Variants in PHC2 observed in about 807,000 individuals in gnomAD.
The protein encoded by PHC2 is polyhomeotic homolog 2.
PHC2 carries 29 observed loss-of-function variants against 87.4 expected under a neutral mutation model. The ratio of observed to expected loss-of-function variants is 0.33; its 90% CI spans 0.25 to 0.45. The LOEUF (loss-of-function observed/expected upper bound fraction) is 0.45. PHC2 is among the 20% of genes least tolerant of loss of function. The pLI, the probability that PHC2 is intolerant of heterozygous loss-of-function variation, is 1.00. For synonymous variants in PHC2, 438 were observed against 461.7 expected (o/e 0.95, Z 0.66); for missense variants, 857 against 1,136.7 (o/e 0.75, Z 3.54).
At chr1:33,385,143 G>A (rs1178700069) in intron 1 of PHC2, among the ~76,000 whole-genome samples, 3 of 152,308 alleles carry the variant, frequency 2.0e-5, no homozygotes, top group South Asian at 4.1e-4. Flanking sequence ...GTGTGGGACT[G>A]TGGTCACTGC....
chr1:33,356,281 A>ATATATATATATATACG (rs1647082146), intron 7 of PHC2, among the ~76,000 whole-genome samples: 2 of 136,428 alleles, frequency 1.5e-5, no homozygotes, highest in Admixed American at 7.1e-5. Context: ...ATATATGTAT[A>ATATATATATATATACG]TATATATATA....
intron 7 of PHC2, among the ~76,000 whole-genome samples, chr1:33,357,139 G>A (rs907448940): frequency 6.6e-6 from 1 of 152,196 alleles, no homozygotes; most frequent in African/African-American, 2.4e-5. Flanking sequence ...AGACTTCCAC[G>A]GCTGGAGAGC....
chr1:33,417,064 A>ATC (rs1650242035), intron 1 of PHC2, among the ~76,000 whole-genome samples: 1 of 152,102 alleles, frequency 6.6e-6, no homozygotes, highest in Admixed American at 6.5e-5. Context: ...ATTTGGAGAT[A>ATC]GATAGGGATA....
chr1:33,381,493 C>G (rs1442212322), intron 1 of PHC2, among the ~76,000 whole-genome samples: 1 of 151,972 alleles, frequency 6.6e-6, no homozygotes, highest in Admixed American at 6.6e-5. Flanking sequence ...TACTACTTGT[C>G]AAGCACTATC....
At position 33,334,332 on chromosome 1, in the gene PHC2, A is replaced by G; in HGVS notation, c.1559-40T>C. 6.3e-7 allele frequency: 1 copy of G among 1,579,292 alleles called. No homozygotes were observed. The highest frequency in any genetic ancestry group is 1.1e-5 in the South Asian group (1 of 89,534). ...GTAGGAAAACAAAGCAGGGGAGATC[A>G]GAACCAGAGTCCACGCCCAGGGAGG... is the stretch of plus-strand genomic sequence containing the variant. On this transcript the variant is annotated intron_variant, in intron 9 of 14. Transcript: ENST00000683057. The surrounding 1 kb of genome is among the most constrained non-coding windows in gnomAD (Gnocchi z 5.5).
At chr1:33,333,534 T>C (rs1646552680) in intron 10 of PHC2, 1 of 160,690 alleles carries the variant, frequency 6.2e-6, no homozygotes, top group Non-Finnish European at 1.3e-5. Context: ...TTGTTAGTCT[T>C]AGGCTTCCAT....
At chr1:33,325,045 G>A (rs773109735) in intron 14 of PHC2, 26 bp from the exon 15 acceptor site, 2 of 1,581,242 alleles carry the variant, frequency 1.3e-6, no homozygotes, top group Non-Finnish European at 1.7e-6. Context: ...CAAAGACAGT[G>A]TCAATCCAAG....
In PHC2 at chr1:33,354,433, G is replaced by C. The variant is rs150120585; in HGVS notation, c.1526C>G (p.Thr509Arg). Residue 509 changes from threonine (T) to arginine (R), a missense_variant, in exon 9 of 15, where the codon ACG (threonine) becomes AGG (arginine). Thr to Arg is a moderately conservative substitution (Grantham distance 71). Transcript: ENST00000683057. ...TAMPGGLPVP[T>R]SPNIQPSPAH... ...TGGGGACGGCTGGATGTTAGGGCTC[G>C]TGGGTACAGGCAGGCCACCAGGCAT... is the stretch of plus-strand genomic sequence containing the variant. 6.8e-6 allele frequency: 11 copies of C among 1,613,784 alleles called. No individual in the cohort carries two copies. In the African/African-American group the frequency reaches 1.3e-4, roughly 20 times the overall value.
At chr1:33,366,512 C>T (rs1647460508) in intron 7 of PHC2, among the ~76,000 whole-genome samples, 1 of 152,252 alleles carries the variant, frequency 6.6e-6, no homozygotes, top group Non-Finnish European at 1.5e-5. Context: ...CTCCTCTCCT[C>T]AAGCCACATA....
chr1:33,396,770 A>T (rs1649311586), intron 1 of PHC2, among the ~76,000 whole-genome samples: 1 of 152,178 alleles, frequency 6.6e-6, no homozygotes, highest in Non-Finnish European at 1.5e-5. Flanking sequence ...TGCGGTCAGA[A>T]TCCTTGAAGA....
chr1:33,424,160 G>A (rs546905323), intron 1 of PHC2, among the ~76,000 whole-genome samples: 1 of 151,774 alleles, frequency 6.6e-6, no homozygotes, highest in Non-Finnish European at 1.5e-5. Flanking sequence ...TATTTGTTGA[G>A]TAAATTAATA....
intron 1 of PHC2, among the ~76,000 whole-genome samples, chr1:33,395,258 GA>G: frequency 6.6e-6 from 1 of 152,174 alleles, no homozygotes; most frequent in African/African-American, 2.4e-5. Flanking sequence ...ATCTATGATA[GA>G]AAAAAATCAG....
At position 33,368,606 on chromosome 1, in the gene PHC2, G is replaced by A. The variant is rs61760981; in HGVS notation, c.593C>T (p.Thr198Met). ...AGGCTGCACAGTAGCGACGGTGGCC[G>A]TGGGCGTGAAGATGAGCTGAGGGGA... ...LRAQMLIFTP[T>M]ATVATVQPEL... The change falls in exon 6 of 15, where the codon ACG (threonine) becomes ATG (methionine). Residue 198 changes from threonine to methionine, a missense_variant. By Grantham distance (81) the Thr-to-Met change is moderately conservative. Around this residue, in one of 3 missense-constraint regions of PHC2, gnomAD observed 832 missense variants for 1,081.8 expected, o/e 0.77. Transcript: ENST00000683057. This position sits in a 1 kb window ranked among gnomAD's most constrained non-coding sequence, Gnocchi z 6.6. 1.2e-5 allele frequency: 18 copies of A among 1,550,898 alleles called. No individual in the cohort carries two copies. Among genetic ancestry groups the A allele is most frequent in the Admixed American group, 5.9e-5 (3 of 50,978 alleles).
In PHC2 at chr1:33,332,311, T is replaced by G; in HGVS notation, c.1855A>C (p.Thr619Pro). Reference sequence around the variant, plus strand: ...GGCTCCTCCATCTCCGAGTCAGTGGTGGTGGTGTGATCCTGCTGTGGAAGT... The same window carrying G: ...GGCTCCTCCATCTCCGAGTCAGTGGGGGTGGTGTGATCCTGCTGTGGAAGT... Reference protein sequence around the residue: ...EKLPQQDHTTTTDSEMEEPYL... With the variant: ...EKLPQQDHTTPTDSEMEEPYL... The change falls in exon 11 of 15, where the codon ACC becomes CCC. Residue 619 changes from threonine to proline, a missense_variant. Thr to Pro is a conservative substitution (Grantham distance 38). Transcript: ENST00000683057. This position sits in a 1 kb window ranked among gnomAD's most constrained non-coding sequence, Gnocchi z 4.2. 6.2e-7 allele frequency: 1 copy of G among 1,614,120 alleles called. No individual in the cohort carries two copies. The highest frequency in any genetic ancestry group is 8.5e-7 in the Non-Finnish European group (1 of 1,180,018).
chr1:33,347,191 G>C, intron 9 of PHC2: 1 of 985,422 alleles, frequency 1.0e-6, no homozygotes, highest in Non-Finnish European at 1.2e-6. Context: ...TTGGTGGCAG[G>C]AAGAGAAATC....
rs773074100 is a variant in PHC2, at chr1:33,354,583, CAG to C, written c.1393-19_1393-18del. 5.6e-6 allele frequency: 9 copies of C among 1,605,852 alleles called. No individual in the cohort carries two copies. Among genetic ancestry groups the C allele is most frequent in the East Asian group, 2.2e-5 (1 of 44,800 alleles). On this transcript the variant is annotated intron_variant, in intron 8 of 14. Transcript: ENST00000683057. ...CTGCTGGGGCTGTCAAAGGACAGGA[CAG>C]AGAGGGGGGCCTCTCAGAAATAGCC...
At position 33,339,886 on chromosome 1, in the gene PHC2, A is replaced by C. The variant is rs187119035; in HGVS notation, c.1559-5594T>G. ...TCCAAAAATCTGAAACGCTCCAATG[A>C]GCATTTCCTTTGAGTATCACGTAGG... On this transcript the variant is annotated intron_variant, in intron 9 of 14. Coordinates refer to ENST00000683057, the MANE Select transcript of PHC2 (RefSeq NM_001385109.1). Among the ~76,000 whole-genome samples the C allele has an allele frequency of 2.8e-3, 427 of 152,346 alleles. 1 individual carries two copies. The highest frequency in any genetic ancestry group is 9.8e-3 in the African/African-American group (408 of 41,568).
chr1:33,370,361 G>A lies in PHC2; in HGVS notation c.576+60C>T, dbSNP rs1407696258. ...ACCCTTCTCCAGCTCCCAGCTCCCA[G>A]CTTCTCTGCCTCTGTCCTCCTGGTG... On this transcript the variant is annotated intron_variant, in intron 5 of 14. Transcript: ENST00000683057. The A allele has an allele frequency of 2.6e-6, 4 of 1,529,764 alleles. No individual in the cohort carries two copies. In the African/African-American group the frequency reaches 5.5e-5, roughly 21 times the overall value. The allele number at this position is 1,529,764 out of a possible 1,614,324, so 94.8% of individuals were successfully genotyped here.
intron 1 of PHC2, among the ~76,000 whole-genome samples, chr1:33,409,836 A>C (rs1374464551): frequency 6.6e-6 from 1 of 152,232 alleles, no homozygotes; most frequent in East Asian, 1.9e-4. Context: ...CATAATGCTA[A>C]CAGAATGTCA....
Sources: allele counts gnomAD v4.1 joint callset (sites outside exome capture counted in the v4.1 genomes callset), GRCh38; gene constraint gnomAD v4.1.1; regional missense constraint gnomAD v4.1.1; non-coding constraint Gnocchi (gnomAD v3.1); transcripts MANE v1.5; gene names NCBI Gene and HGNC (gene_info 2026-07-23, HGNC 2026-07-21).